ATG10: variants seen among roughly 807,000 people sequenced by gnomAD.
ATG10 encodes ubiquitin-like-conjugating enzyme ATG10.
Under a neutral mutation model 32.1 loss-of-function variants are expected in ATG10, and 30 were observed. The observed-to-expected ratio is 0.94, with a 90% CI of 0.70 to 1.27. The LOEUF is 1.27. Among genes scored for constraint, ATG10 ranks in the 50% most tolerant of loss-of-function variants. The pLI, the probability that ATG10 is intolerant of heterozygous loss-of-function variation, is 0.00. For synonymous variants in ATG10, 87 were observed against 91.5 expected, an observed-to-expected ratio of 0.95 and a Z score of 0.28; for missense variants, 233 against 262.3, an observed-to-expected ratio of 0.89 and a Z score of 0.77.
intron 3 of ATG10, among the ~76,000 whole-genome samples, chr5:82,120,963 C>T (rs1766018235): frequency 6.6e-6 from 1 of 152,234 alleles, no homozygotes; most frequent in East Asian, 1.9e-4. Flanking sequence ...ATCCTTTGAA[C>T]TTTGCTTATA....
intron 2 of ATG10, among the ~76,000 whole-genome samples, chr5:82,003,844 A>G (rs938213767): frequency 1.3e-5 from 2 of 152,228 alleles, no homozygotes; most frequent in African/African-American, 4.8e-5. Context: ...TAATAAATAT[A>G]AAAGGATAGT....
chr5:82,022,483 G>A (rs527904185), intron 2 of ATG10, among the ~76,000 whole-genome samples: 1 of 151,152 alleles, frequency 6.6e-6, no homozygotes, highest in East Asian at 2.0e-4. Flanking sequence ...TACCCACAAT[G>A]CCCGTCTAGT....
rs796858719 is a variant in ATG10 at position 82,079,935 on chromosome 5, C to T, written c.216+21333C>T. On this transcript the variant is annotated intron_variant, in intron 3 of 7. Coordinates refer to ENST00000282185, the MANE Select transcript of ATG10 (RefSeq NM_031482.5). ...TTCTAGTTCTAGATCCTTGAGGAAT[C>T]GCCACACTGTCTTCCACAATGGTTG... Among the ~76,000 whole-genome samples, 11 of 152,176 alleles carry T rather than the reference C, an allele frequency of 7.2e-5. No homozygotes were observed. The East Asian group carries it at 7.7e-4, about 11-fold the overall frequency.
chr5:82,150,908 GT>G (rs1265097393), intron 3 of ATG10, among the ~76,000 whole-genome samples: 8 of 152,198 alleles, frequency 5.3e-5, no homozygotes, highest in African/African-American at 1.7e-4. Context: ...TTTAGTATTG[GT>G]AAGTTCATCA....
intron 1 of ATG10, among the ~76,000 whole-genome samples, chr5:81,979,460 G>A (rs1412801699): frequency 1.3e-5 from 2 of 152,044 alleles, no homozygotes; most frequent in African/African-American, 2.4e-5. Context: ...CTCGGGAGGC[G>A]GAGCTTGCAG....
At chr5:82,059,407 C>CT (rs1266529276) in intron 3 of ATG10, among the ~76,000 whole-genome samples, 4 of 102,392 alleles carry the variant, frequency 3.9e-5, no homozygotes, top group African/African-American at 1.4e-4. Flanking sequence ...CACACACACA[C>CT]TTTTTTTTTT....
intron 5 of ATG10, among the ~76,000 whole-genome samples, chr5:82,185,174 C>T (rs1213334487): frequency 1.3e-5 from 2 of 152,238 alleles, no homozygotes; most frequent in African/African-American, 4.8e-5. Context: ...CTCTAAGCCC[C>T]TGCTTTCCTT....
chr5:82,236,665 G>A (rs915851743), intron 5 of ATG10, among the ~76,000 whole-genome samples: 1 of 152,196 alleles, frequency 6.6e-6, no homozygotes, highest in East Asian at 1.9e-4. Context: ...TGGTGTCTGT[G>A]TAGTATATGA....
At chr5:82,215,935 C>CA (rs34517729) in intron 5 of ATG10, among the ~76,000 whole-genome samples, 20,457 of 123,902 alleles carry the variant, frequency 0.17, 2,114 homozygotes, top group African/African-American at 0.32. Context: ...AACTCCATCT[C>CA]AAAAAAAAAA....
rs988921285 is a variant in ATG10, at chr5:82,052,247, G to A, written c.109-6248G>A. ...TCTAGAGAAGATCTTGTTAAACTCA[G>A]CAACAAAAGCCCTATAATTATTTTG... On this transcript the variant is annotated intron_variant, in intron 2 of 7. Coordinates refer to ENST00000282185, the MANE Select transcript of ATG10 (RefSeq NM_031482.5). Among the ~76,000 whole-genome samples the A allele has an allele frequency of 2.0e-4, 30 of 152,098 alleles. 1 individual carries two copies. The highest frequency in any genetic ancestry group is 2.6e-4 in the Admixed American group (4 of 15,256).
intron 2 of ATG10, among the ~76,000 whole-genome samples, chr5:82,027,440 C>T (rs984008670): frequency 1.3e-5 from 2 of 152,042 alleles, no homozygotes; most frequent in African/African-American, 4.8e-5. Flanking sequence ...TTTTAAATCA[C>T]ACATGAGTAT....
At chr5:82,247,850 A>AT (rs957702337) in intron 5 of ATG10, among the ~76,000 whole-genome samples, 4 of 151,332 alleles carry the variant, frequency 2.6e-5, no homozygotes, top group South Asian at 2.1e-4. Flanking sequence ...TTATCTGCAG[A>AT]TTTTTTTTCC....
At chr5:82,198,936 T>C (rs1217913691) in intron 5 of ATG10, among the ~76,000 whole-genome samples, 1 of 152,236 alleles carries the variant, frequency 6.6e-6, no homozygotes, top group African/African-American at 2.4e-5. Context: ...CATTCAGCTT[T>C]CACACTGATA....
intron 5 of ATG10, among the ~76,000 whole-genome samples, chr5:82,227,075 A>C (rs1270748084): frequency 6.6e-6 from 1 of 152,188 alleles, no homozygotes; most frequent in Admixed American, 6.5e-5. Context: ...AAGACTTCCC[A>C]AAGATACATG....
intron 5 of ATG10, among the ~76,000 whole-genome samples, chr5:82,180,534 A>G (rs1255615552): frequency 6.6e-6 from 1 of 152,140 alleles, no homozygotes; most frequent in Non-Finnish European, 1.5e-5. Context: ...ATTAACCTTT[A>G]AGTATGTCAA....
intron 3 of ATG10, among the ~76,000 whole-genome samples, chr5:82,115,576 C>T (rs1428538337): frequency 6.6e-6 from 1 of 152,032 alleles, no homozygotes. Flanking sequence ...CATTAAATGG[C>T]AGAGGTAGGA....
At chr5:82,228,680 A>G (rs1463128081) in intron 5 of ATG10, among the ~76,000 whole-genome samples, 1 of 152,240 alleles carries the variant, frequency 6.6e-6, no homozygotes, top group Admixed American at 6.5e-5. Context: ...TAAAATTGTC[A>G]ATATGTACCG....
intron 5 of ATG10, among the ~76,000 whole-genome samples, chr5:82,198,818 C>T (rs537709058): frequency 3.0e-4 from 46 of 152,278 alleles, no homozygotes; most frequent in African/African-American, 1.1e-3. Flanking sequence ...TTCTGAAGAC[C>T]GAGCATCCTG....
At chr5:82,154,310 C>T (rs1052876847) in intron 3 of ATG10, among the ~76,000 whole-genome samples, 1 of 152,048 alleles carries the variant, frequency 6.6e-6, no homozygotes, top group African/African-American at 2.4e-5. Context: ...TGCCCAAAGC[C>T]TGAAATATTT....
Sources: gnomAD v4.1 joint callset for allele counts (sites outside exome capture counted in the v4.1 genomes callset) on GRCh38, gnomAD v4.1.1 for gene constraint, MANE v1.5 for transcripts, NCBI Gene and HGNC (gene_info 2026-07-23, HGNC 2026-07-21) for gene names.